Variants in EIF4G1 observed in about 807,000 individuals in gnomAD.
The protein encoded by EIF4G1 is EIF4-gamma.
A neutral mutation model predicts 187.8 loss-of-function variants in EIF4G1; 4 were observed. The ratio of observed to expected loss-of-function variants is 0.02; its 90% CI spans 0.01 to 0.05. The LOEUF is 0.05. Among genes scored for constraint, EIF4G1 ranks in the 10% least tolerant of loss-of-function variants. The pLI is 1.00. For missense variants in EIF4G1, 1,647 were observed against 2,081.1 expected (o/e 0.79, Z 4.06); for synonymous variants, 844 against 781.4 (o/e 1.08, Z -1.34).
rs772261137 is a variant in EIF4G1, at chr3:184,317,740, G to A, written c.348G>A (p.Pro116=). The A allele has an allele frequency of 2.5e-6, 4 of 1,613,980 alleles. No individual in the cohort carries two copies. The highest frequency in any genetic ancestry group is 2.2e-5 in the East Asian group (1 of 44,884). Residue 116 remains proline (P), a synonymous_variant, in exon 6 of 33, where the codon CCG becomes CCA. Transcript: ENST00000346169. ...PGQGRSTYVV[P]TQQYPVQPGA... Reference sequence around the variant, plus strand: ...AGGGGCGTTCCACATACGTTGTCCCGACACAGCAGTACCCTGTGCAGCCAG... The same window carrying A: ...AGGGGCGTTCCACATACGTTGTCCCAACACAGCAGTACCCTGTGCAGCCAG...
At chr3:184,318,554 C>G (rs1723190665) in intron 6 of EIF4G1, among the ~76,000 whole-genome samples, 1 of 152,102 alleles carries the variant, frequency 6.6e-6, no homozygotes, top group Non-Finnish European at 1.5e-5. Context: ...GTGTTCGAGA[C>G]CAGCCTGGCC....
At chr3:184,322,516 A>G (rs776284158) in intron 11 of EIF4G1, 28 bp from the exon 12 acceptor site, 21 of 1,613,934 alleles carry the variant, frequency 1.3e-5, no homozygotes, top group Non-Finnish European at 1.7e-5. Context: ...TCATTCTGCA[A>G]CCAAAACTGG....
Position 184,325,957 on chromosome 3 carries a change from GGTGT to G in EIF4G1, c.3222+12_3222+15del. 1 of 1,613,944 alleles carries G rather than the reference GGTGT, an allele frequency of 6.2e-7. No individual in the cohort carries two copies. The highest frequency in any genetic ancestry group is 8.5e-7 in the Non-Finnish European group (1 of 1,179,902). On this transcript the variant is annotated splice_region_variant and intron_variant, in intron 21 of 32. Coordinates refer to ENST00000346169, the MANE Select transcript of EIF4G1 (RefSeq NM_198241.3). The surrounding 1 kb of genome is among the most constrained non-coding windows in gnomAD (Gnocchi z 5.2). ...GACTCACCAAGATCACCAAGGTAGGGGTGTGTGTGGGAGTGGGTGATTCAGCTCA... is the reference window on the plus strand; with the variant it reads ...GACTCACCAAGATCACCAAGGTAGGGGTGTGGGAGTGGGTGATTCAGCTCA...
intron 21 of EIF4G1, 80 bp from the exon 22 acceptor site, chr3:184,326,446 CT>C (rs1724934611): frequency 1.4e-6 from 2 of 1,445,460 alleles, no homozygotes; most frequent in Non-Finnish European, 1.9e-6. Flanking sequence ...CATTCACTAC[CT>C]GTTTGGTTGC....
intron 30 of EIF4G1, 49 bp downstream of exon 30, chr3:184,331,655 G>C (rs200243992): frequency 1.2e-6 from 2 of 1,612,898 alleles, no homozygotes; most frequent in South Asian, 1.1e-5. Flanking sequence ...CTTAGGGTGG[G>C]GGTGGGGGCA....
At position 184,324,988 on chromosome 3, in the gene EIF4G1, G is replaced by T; in HGVS notation, c.2730G>T (p.Met910Ile). The T allele has an allele frequency of 6.2e-7, 1 of 1,614,240 alleles. No homozygotes were observed. Among genetic ancestry groups the T allele is most frequent in the South Asian group, 1.1e-5 (1 of 91,092 alleles). The change falls in exon 18 of 33, where the codon ATG (methionine) becomes ATT (isoleucine). Residue 910 changes from methionine (M) to isoleucine (I), a missense_variant. By Grantham distance (10) the Met-to-Ile change is conservative (BLOSUM62 1). Coordinates refer to ENST00000346169, the MANE Select transcript of EIF4G1 (RefSeq NM_198241.3). ...KFIGELFKLK[M>I]LTEAIMHDCV... ...TTGGAGAGTTGTTCAAACTGAAGAT[G>T]TTAACAGAGGCAATAATGCATGACT...
At position 184,317,404 on chromosome 3, in the gene EIF4G1, T is replaced by C; in HGVS notation, c.231T>C (p.Ala77=). The C allele has an allele frequency of 6.2e-7, 1 of 1,614,116 alleles. No homozygotes were observed. The highest frequency in any genetic ancestry group is 8.5e-7 in the Non-Finnish European group (1 of 1,180,000). The change falls in exon 5 of 33, where the codon GCT becomes GCC. Residue 77 remains alanine (A), a synonymous_variant. Transcript: ENST00000346169. ...CAGCCCCTGCCCGCCCTGGCCCAGC[T>C]GCCCATGTCTACCCTGCTGGATCCC... ...QSAAPARPGP[A]AHVYPAGSQV...
rs571880438 is a variant in EIF4G1, at chr3:184,316,781, C to T, written c.148-540C>T. On this transcript the variant is annotated intron_variant, in intron 4 of 32. Transcript: ENST00000346169. ...GGACAGTCTTCTGGTCTCATCCTTA[C>T]CCTCCACCCTAGTCAGGGGCTAGAC... 1.1e-5 allele frequency: 17 copies of T among 1,573,724 alleles called. 1 individual carries two copies. The East Asian group carries it at 3.4e-4, about 31-fold the overall frequency.
At position 184,323,400 on chromosome 3, in the gene EIF4G1, C is replaced by A; in HGVS notation, c.2089-8C>A. ...TGTCCCCTCTTGTCTTCATCCCTTG[C>A]TTAGCAGGCTGGCCTGGGACCCCGG... On this transcript the variant is annotated splice_polypyrimidine_tract_variant and splice_region_variant and intron_variant, in intron 14 of 32. Coordinates refer to ENST00000346169, the MANE Select transcript of EIF4G1 (RefSeq NM_198241.3). The surrounding 1 kb of genome is among the most constrained non-coding windows in gnomAD (Gnocchi z 6.9). 1.2e-6 allele frequency: 2 copies of A among 1,614,196 alleles called. No individual in the cohort carries two copies. The highest frequency in any genetic ancestry group is 1.7e-6 in the Non-Finnish European group (2 of 1,180,012).
rs1291377693 is a variant in EIF4G1, at chr3:184,334,629, A to AG, written c.4619-95dup. 5.5e-5 allele frequency: 79 copies of AG among 1,441,602 alleles called. No individual in the cohort carries two copies. Among genetic ancestry groups the AG allele is most frequent in the Non-Finnish European group, 7.3e-5 (75 of 1,031,426 alleles). The allele number at this position is 1,441,602 out of a possible 1,614,324, so 89.3% of individuals were successfully genotyped here. On this transcript the variant is annotated intron_variant, in intron 32 of 32. Coordinates refer to ENST00000346169, the MANE Select transcript of EIF4G1 (RefSeq NM_198241.3). This position sits in a 1 kb window ranked among gnomAD's most constrained non-coding sequence, Gnocchi z 5.8. ...GCCACAAATGTCAGGCTGGTGCATCAGGGCCTTGTTTGAACAGTGGAACTT... is the reference window on the plus strand; with the variant it reads ...GCCACAAATGTCAGGCTGGTGCATCAGGGGCCTTGTTTGAACAGTGGAACTT...
intron 17 of EIF4G1, among the ~76,000 whole-genome samples, 165 bp downstream of exon 17, chr3:184,324,512 C>CTGGAGTGCAG (rs1724487768): frequency 6.6e-6 from 1 of 152,160 alleles, no homozygotes; most frequent in Non-Finnish European, 1.5e-5. Flanking sequence ...GTCACCCAGG[C>CTGGAGTGCAG]TGGAGTGCAG....
rs530344643 is a variant in EIF4G1, at chr3:184,321,433, C to T, written c.849C>T (p.Leu283=). ...EPGSEPNLAV[L]SIPGDTMTTI... ...GGTCTGAGCCTAATCTCGCAGTCCTCTCTATTCCTGGGGACACTATGACAA... is the reference window on the plus strand; with the variant it reads ...GGTCTGAGCCTAATCTCGCAGTCCTTTCTATTCCTGGGGACACTATGACAA... Residue 283 remains leucine (L), a synonymous_variant, in exon 10 of 33, where the codon CTC becomes CTT. Coordinates refer to ENST00000346169, the MANE Select transcript of EIF4G1 (RefSeq NM_198241.3). The T allele has an allele frequency of 2.0e-5, 33 of 1,614,170 alleles. No individual in the cohort carries two copies. Among genetic ancestry groups the T allele is most frequent in the Non-Finnish European group, 2.8e-5 (33 of 1,180,032 alleles).
In EIF4G1 at chr3:184,325,401, A is replaced by G. The variant is rs1476103974; in HGVS notation, c.2961+28A>G. The G allele has an allele frequency of 6.2e-7, 1 of 1,614,168 alleles. No homozygotes were observed. On this transcript the variant is annotated intron_variant, in intron 19 of 32. Coordinates refer to ENST00000346169, the MANE Select transcript of EIF4G1 (RefSeq NM_198241.3). The surrounding 1 kb of genome is among the most constrained non-coding windows in gnomAD (Gnocchi z 5.2). ...GTGTGTCCCCCTCCTCCCCACTGCCAGCCTGCTGCCTCCAGTTTCTGACAC... is the reference window on the plus strand; with the variant it reads ...GTGTGTCCCCCTCCTCCCCACTGCCGGCCTGCTGCCTCCAGTTTCTGACAC...
At chr3:184,316,045 G>A (rs998152638) in intron 3 of EIF4G1, 87 bp from the exon 4 acceptor site, 19 of 1,579,994 alleles carry the variant, frequency 1.2e-5, no homozygotes, top group Non-Finnish European at 1.5e-5. Flanking sequence ...GGCTCTTGCC[G>A]CAGATCTGCT....
Position 184,316,154 on chromosome 3 carries a change from C to G in EIF4G1, c.83C>G (p.Thr28Arg), listed in dbSNP as rs747823495. 12 of 1,614,062 alleles carry G rather than the reference C, an allele frequency of 7.4e-6. No homozygotes were observed. The South Asian group carries it at 1.1e-4, about 15-fold the overall frequency. Residue 28 changes from threonine to arginine, a missense_variant, in exon 4 of 33, where the codon ACA becomes AGA. By Grantham distance (71) the Thr-to-Arg change is moderately conservative (BLOSUM62 -1). This residue lies in a region of EIF4G1 where 61 missense variants were observed against 49.5 expected (regional missense o/e 1.23). Coordinates refer to ENST00000346169, the MANE Select transcript of EIF4G1 (RefSeq NM_198241.3). ...LPQPAFPPGQ[T>R]APVVFSTPQA... ...CAGCCAGCGTTTCCCCCGGGGCAGA[C>G]AGCGCCGGTGGTGTTCAGTACGCCA...
In EIF4G1 at chr3:184,322,821, A is replaced by G; in HGVS notation, c.1796A>G (p.Asp599Gly). The change falls in exon 13 of 33, where the codon GAT (aspartate) becomes GGT (glycine). Residue 599 changes from aspartate (D) to glycine (G), a missense_variant and splice_region_variant. Asp to Gly is a moderately conservative substitution (Grantham distance 94). Coordinates refer to ENST00000346169, the MANE Select transcript of EIF4G1 (RefSeq NM_198241.3). ...PGEQKYEYKS[D>G]QWKPLNLEEK... The stretch of plus-strand genomic sequence containing the variant: ...TTGCTTCATTCTGTTTTCCTTGCAG[A>G]TCAGTGGAAGCCTCTAAACCTAGAG... 1.2e-6 allele frequency: 2 copies of G among 1,614,216 alleles called. No homozygotes were observed. The highest frequency in any genetic ancestry group is 1.7e-6 in the Non-Finnish European group (2 of 1,180,042).
chr3:184,326,861 C>T lies in EIF4G1; in HGVS notation c.3326-20C>T, dbSNP rs376947225. The T allele has an allele frequency of 1.9e-4, 308 of 1,613,570 alleles. 1 individual carries two copies. The highest frequency in any genetic ancestry group is 8.1e-4 in the South Asian group (74 of 91,070). On this transcript the variant is annotated intron_variant, in intron 22 of 32. Transcript: ENST00000346169. ...AGGAAAGGAGAAAAAGATTTTAATA[C>T]GGATTTTCTGCATCCCCAGCATCAG... is the stretch of plus-strand genomic sequence containing the variant.
rs897000899 is a variant in EIF4G1 at position 184,321,821 on chromosome 3, G to A, written c.1237G>A (p.Val413Met). The A allele has an allele frequency of 6.2e-7, 1 of 1,614,018 alleles. No individual in the cohort carries two copies. The highest frequency in any genetic ancestry group is 1.1e-5 in the South Asian group (1 of 91,090). The part of the protein sequence containing the change: ...LLNGAPSPPA[V>M]DLSPVSEPEE... ...CAACGGAGCCCCCTCGCCACCAGCT[G>A]TGGACTTAAGCCCAGTCAGTGAGCC... The change falls in exon 10 of 33, where the codon GTG becomes ATG. Residue 413 changes from valine (V) to methionine (M), a missense_variant. Physicochemically the swap from Val to Met is conservative, Grantham distance 21. Coordinates refer to ENST00000346169, the MANE Select transcript of EIF4G1 (RefSeq NM_198241.3).
chr3:184,318,058 C>T (rs192649312), intron 6 of EIF4G1, among the ~76,000 whole-genome samples: 15 of 152,272 alleles, frequency 9.9e-5, no homozygotes, highest in African/African-American at 3.1e-4. Flanking sequence ...GATCAGGCAC[C>T]AGCCTGAGAG....
Sources: gnomAD v4.1 joint callset for allele counts (sites outside exome capture counted in the v4.1 genomes callset) on GRCh38, gnomAD v4.1.1 for gene constraint, gnomAD v4.1.1 regional missense constraint, Gnocchi (gnomAD v3.1) non-coding constraint, MANE v1.5 for transcripts, NCBI Gene and HGNC (gene_info 2026-07-23, HGNC 2026-07-21) for gene names.